The following CSMD3 variants were observed in gnomAD, a reference collection of about 807,000 sequenced individuals.
CSMD3 encodes the protein CUB and sushi domain-containing protein 3.
Under a neutral mutation model 435.2 loss-of-function variants are expected in CSMD3, and 177 were observed. The observed-to-expected ratio is 0.41, with a 90% confidence interval of 0.36 to 0.46. CSMD3 has a LOEUF of 0.46. Among genes scored for constraint, CSMD3 ranks in the 20% least tolerant of loss-of-function variants. CSMD3 has a pLI of 0.34. For missense variants in CSMD3, 4,265 were observed against 4,504.6 expected, an observed-to-expected ratio of 0.95 and a Z score of 1.52; for synonymous variants, 1,656 against 1,520.5, an observed-to-expected ratio of 1.09 and a Z score of -2.07.
intron 6 of CSMD3, among the ~76,000 whole-genome samples, chr8:112,994,420 A>C (rs1291922420): frequency 6.6e-6 from 1 of 151,684 alleles, no homozygotes; most frequent in African/African-American, 2.4e-5. Flanking sequence ...CAATGCAAAG[A>C]ATAAACACAA....
At chr8:113,135,889 A>T (rs1331101392) in intron 4 of CSMD3, among the ~76,000 whole-genome samples, 2 of 151,862 alleles carry the variant, frequency 1.3e-5, no homozygotes, top group East Asian at 1.9e-4. Context: ...ATATTAAAAA[A>T]TACGTATTTT....
At chr8:112,726,033 C>G (rs1315961774) in intron 13 of CSMD3, among the ~76,000 whole-genome samples, 1 of 151,986 alleles carries the variant, frequency 6.6e-6, no homozygotes, top group Non-Finnish European at 1.5e-5. Flanking sequence ...AAAAGGGAAG[C>G]AAGGCACCTT....
rs77775960 is a variant in CSMD3, at chr8:113,279,740, C to T, written c.402-1036G>A. Among the ~76,000 whole-genome samples, 1,164 of 151,492 alleles carry T rather than the reference C, an allele frequency of 7.7e-3. 19 individuals carry two copies. The highest frequency in any genetic ancestry group is 0.027 in the African/African-American group (1,115 of 41,370). On this transcript the variant is annotated intron_variant, in intron 2 of 70. Transcript: ENST00000297405. ...AGGATTTGAGGTAACTTGTTTTACT[C>T]CTTCTTGTAATACGTTGTATAATTG...
Position 113,203,763 on chromosome 8 carries a change from T to C in CSMD3, c.515-29847A>G, listed in dbSNP as rs546458933. 3.9e-5 allele frequency among the ~76,000 whole-genome samples: 6 copies of C among 152,274 alleles called. No homozygotes were observed. The East Asian group carries it at 1.2e-3, about 29-fold the overall frequency. On this transcript the variant is annotated intron_variant, in intron 3 of 70. Coordinates refer to ENST00000297405, the MANE Select transcript of CSMD3 (RefSeq NM_198123.2). ...GGTAGTTAAACTAAACATTTGTAGA[T>C]AACATGTACAGACTTCTCTTCCTTG... is the stretch of plus-strand genomic sequence containing the variant.
intron 2 of CSMD3, among the ~76,000 whole-genome samples, chr8:113,282,813 C>G (rs1056854793): frequency 6.6e-6 from 1 of 152,084 alleles, no homozygotes; most frequent in Non-Finnish European, 1.5e-5. Flanking sequence ...CTGGAGGCAT[C>G]ACATTACCTG....
chr8:112,436,887 A>C, intron 32 of CSMD3, among the ~76,000 whole-genome samples: 1 of 152,118 alleles, frequency 6.6e-6, no homozygotes, highest in Admixed American at 6.5e-5. Flanking sequence ...CACACAATGC[A>C]GAGACATATG....
In CSMD3 at chr8:112,422,375, G is replaced by A. The variant is rs1812615751; in HGVS notation, c.5396-13343C>T. ...AAAATGTGTTCTGAATAAATAAGGTGACATATTCTGCAGACTTTTAGTACT... is the reference window on the plus strand; with the variant it reads ...AAAATGTGTTCTGAATAAATAAGGTAACATATTCTGCAGACTTTTAGTACT... On this transcript the variant is annotated intron_variant, in intron 32 of 70. Coordinates refer to ENST00000297405, the MANE Select transcript of CSMD3 (RefSeq NM_198123.2). 2.0e-5 allele frequency among the ~76,000 whole-genome samples: 3 copies of A among 152,104 alleles called. No individual in the cohort carries two copies. The South Asian group carries it at 6.2e-4, about 32-fold the overall frequency.
At chr8:112,889,435 A>C (rs2081712487) in intron 10 of CSMD3, among the ~76,000 whole-genome samples, 1 of 151,650 alleles carries the variant, frequency 6.6e-6, no homozygotes, top group Non-Finnish European at 1.5e-5. Flanking sequence ...GGGACTTGAA[A>C]AAAGGAAGTT....
intron 32 of CSMD3, among the ~76,000 whole-genome samples, chr8:112,465,850 C>T (rs1392122556): frequency 6.6e-6 from 1 of 151,788 alleles, no homozygotes; most frequent in Non-Finnish European, 1.5e-5. Context: ...TGGTGGGCGC[C>T]TATAATCCCA....
At chr8:112,854,350 C>T (rs1430100621) in intron 11 of CSMD3, among the ~76,000 whole-genome samples, 1 of 152,068 alleles carries the variant, frequency 6.6e-6, no homozygotes, top group Non-Finnish European at 1.5e-5. Context: ...AATTACTTAT[C>T]TTTTGTGATT....
intron 27 of CSMD3, among the ~76,000 whole-genome samples, chr8:112,528,421 A>T (rs1346020840): frequency 2.0e-5 from 3 of 152,196 alleles, no homozygotes; most frequent in Admixed American, 2.0e-4. Context: ...ATTCTCAATC[A>T]AAATATCCCA....
At chr8:113,084,163 A>T (rs754658327) in intron 5 of CSMD3, among the ~76,000 whole-genome samples, 1 of 152,158 alleles carries the variant, frequency 6.6e-6, no homozygotes, top group Admixed American at 6.5e-5. Context: ...GAGAAAGCCA[A>T]ATTATCCTTG....
At chr8:113,298,643 A>G (rs1304224728) in intron 2 of CSMD3, among the ~76,000 whole-genome samples, 1 of 152,146 alleles carries the variant, frequency 6.6e-6, no homozygotes, top group East Asian at 1.9e-4. Flanking sequence ...AAAATAACAG[A>G]GGAAGGTTTG....
At chr8:112,787,128 T>G (rs2078564557) in intron 13 of CSMD3, among the ~76,000 whole-genome samples, 1 of 152,180 alleles carries the variant, frequency 6.6e-6, no homozygotes, top group Non-Finnish European at 1.5e-5. Flanking sequence ...TAATCCAGTC[T>G]ATCATTGATG....
At chr8:113,410,655 A>T (rs549552381) in intron 1 of CSMD3, among the ~76,000 whole-genome samples, 231 of 151,704 alleles carry the variant, frequency 1.5e-3, no homozygotes, top group African/African-American at 5.3e-3. Flanking sequence ...TACACCTGTA[A>T]TCCCAGCACT....
At position 112,381,089 on chromosome 8, in the gene CSMD3, A is replaced by T. The variant is rs190099850; in HGVS notation, c.6032-633T>A. On this transcript the variant is annotated intron_variant, in intron 37 of 70. Transcript: ENST00000297405. ...AGCTTAATTTTGAACTTTGCAAAGT[A>T]ACAACTTTTTATGAGTCAGATAATA... is the stretch of plus-strand genomic sequence containing the variant. 2.7e-3 allele frequency among the ~76,000 whole-genome samples: 414 copies of T among 152,326 alleles called. 3 individuals carry two copies. Among genetic ancestry groups the T allele is most frequent in the African/African-American group, 9.4e-3 (390 of 41,586 alleles).
intron 8 of CSMD3, among the ~76,000 whole-genome samples, chr8:112,950,154 ATTATT>A (rs1342696921): frequency 7.9e-5 from 12 of 151,990 alleles, no homozygotes; most frequent in African/African-American, 2.7e-4. Flanking sequence ...GAGAAAAAAC[ATTATT>A]TTAATATACC....
intron 31 of CSMD3, among the ~76,000 whole-genome samples, chr8:112,488,663 A>C (rs1017633608): frequency 6.6e-6 from 1 of 152,204 alleles, no homozygotes; most frequent in Admixed American, 6.5e-5. Context: ...TAATTCTCAA[A>C]CATTGATAAA....
intron 32 of CSMD3, among the ~76,000 whole-genome samples, chr8:112,446,813 A>G (rs1353920189): frequency 6.6e-6 from 1 of 152,146 alleles, no homozygotes; most frequent in Non-Finnish European, 1.5e-5. Flanking sequence ...TTCTCTGTGG[A>G]GACTGGGCAA....
Sources: allele counts gnomAD v4.1 joint callset (sites outside exome capture counted in the v4.1 genomes callset), GRCh38; gene constraint gnomAD v4.1.1; transcripts MANE v1.5; gene names NCBI Gene and HGNC (gene_info 2026-07-23, HGNC 2026-07-21).